The following ZNF441 variants were observed in gnomAD, a reference collection of about 807,000 sequenced individuals.
ZNF441 encodes zinc finger protein 441.
Under a neutral mutation model 64.5 loss-of-function variants are expected in ZNF441, and 25 were observed. The observed-to-expected ratio is 0.39, with a 90% CI of 0.28 to 0.54. The LOEUF (loss-of-function observed/expected upper bound fraction) is 0.54. ZNF441 is among the 20% of genes least tolerant of loss of function. The pLI is 0.70. For synonymous variants in ZNF441, 262 were observed against 268.0 expected, an observed-to-expected ratio of 0.98 and a Z score of 0.22; for missense variants, 715 against 843.3, an observed-to-expected ratio of 0.85 and a Z score of 1.88.
intron 1 of ZNF441, among the ~76,000 whole-genome samples, chr19:11,770,487 A>G (rs1779216887): frequency 6.6e-6 from 1 of 152,200 alleles, no homozygotes; most frequent in African/African-American, 2.4e-5. Flanking sequence ...AAGAGATTAT[A>G]GAGAATTGGT....
chr19:11,772,207 T>C (rs1975319867), intron 1 of ZNF441, among the ~76,000 whole-genome samples: 1 of 152,202 alleles, frequency 6.6e-6, no homozygotes, highest in African/African-American at 2.4e-5. Flanking sequence ...CTGCCCCTTT[T>C]GCTTTTGTAT....
chr19:11,779,742 G>A (rs772853500), intron 3 of ZNF441, among the ~76,000 whole-genome samples: 12 of 147,816 alleles, frequency 8.1e-5, no homozygotes, highest in Admixed American at 2.0e-4. Flanking sequence ...GCGAGACTCC[G>A]TCTCAAAAAA....
At chr19:11,774,085 T>G (rs1975336784) in intron 1 of ZNF441, among the ~76,000 whole-genome samples, 1 of 152,192 alleles carries the variant, frequency 6.6e-6, no homozygotes. Context: ...AATCTCTTTG[T>G]TTCTTAAATG....
At chr19:11,775,423 G>T (rs933411412) in intron 1 of ZNF441, among the ~76,000 whole-genome samples, 1 of 150,392 alleles carries the variant, frequency 6.6e-6, no homozygotes, top group African/African-American at 2.5e-5. Flanking sequence ...TCCGCCTCCT[G>T]AGTTAATGCC....
rs538513930 is a variant in ZNF441 at position 11,767,998 on chromosome 19, A to C, written c.3+802A>C. ...GCACGGTGATGACAGGTCACCAGGC[A>C]GACTCGTGTGTGGGGTTTGTGTGTG... On this transcript the variant is annotated intron_variant, in intron 1 of 3. Transcript: ENST00000357901. The surrounding 1 kb of genome is among the most constrained non-coding windows in gnomAD (Gnocchi z 5.1). Among the ~76,000 whole-genome samples, 24 of 152,276 alleles carry C rather than the reference A, an allele frequency of 1.6e-4. No individual in the cohort carries two copies. The highest frequency in any genetic ancestry group is 1.6e-3 in the Admixed American group (24 of 15,300).
rs753400364 is a variant in ZNF441 at position 11,781,380 on chromosome 19, G to A, written c.1556G>A (p.Arg519Gln). Reference sequence around the variant, plus strand: ...AGCTTTGATTCTCCCAGTTCATTTCGAAGACATGAAAGAATTCACACTGGG... The same window carrying A: ...AGCTTTGATTCTCCCAGTTCATTTCAAAGACATGAAAGAATTCACACTGGG... ...GKSFDSPSSF[R>Q]RHERIHTGER... Residue 519 changes from arginine (R) to glutamine (Q), a missense_variant, in exon 4 of 4, where the codon CGA becomes CAA. Arg to Gln is a conservative substitution (Grantham distance 43). Coordinates refer to ENST00000357901, the MANE Select transcript of ZNF441 (RefSeq NM_152355.3). 2.3e-5 allele frequency: 37 copies of A among 1,603,764 alleles called. No individual in the cohort carries two copies. Among genetic ancestry groups the A allele is most frequent in the Admixed American group, 5.1e-5 (3 of 58,966 alleles).
rs750439949 is a variant in ZNF441 at position 11,781,888 on chromosome 19, A to G, written c.2064A>G (p.Lys688=). The G allele has an allele frequency of 6.3e-7, 1 of 1,590,604 alleles. No individual in the cohort carries two copies. Among genetic ancestry groups the G allele is most frequent in the Admixed American group, 1.8e-5 (1 of 56,474 alleles). ...EAFHCISSFH[K]HEMTH ...TTCATTGTATCAGTTCCTTTCATAA[A>G]CATGAAATGACTCACTAGAGAAAAC... The change falls in exon 4 of 4, where the codon AAA becomes AAG. Residue 688 remains lysine, a synonymous_variant. Coordinates refer to ENST00000357901, the MANE Select transcript of ZNF441 (RefSeq NM_152355.3).
At chr19:11,776,503 A>C (rs1015199324) in intron 1 of ZNF441, among the ~76,000 whole-genome samples, 7 of 152,206 alleles carry the variant, frequency 4.6e-5, no homozygotes, top group Non-Finnish European at 1.0e-4. Context: ...GATGACAAAA[A>C]GGTCTGTTTA....
Position 11,781,074 on chromosome 19 carries a change from A to G in ZNF441, c.1250A>G (p.Lys417Arg). Reference sequence around the variant, plus strand: ...CATGAAACTACTCACACTGGAGAGAAGCCATATAAATGTAAACAATGTGGA... The same window carrying G: ...CATGAAACTACTCACACTGGAGAGAGGCCATATAAATGTAAACAATGTGGA... Reference protein sequence around the residue: ...RNHETTHTGEKPYKCKQCGKA... With the variant: ...RNHETTHTGERPYKCKQCGKA... Residue 417 changes from lysine (K) to arginine (R), a missense_variant, in exon 4 of 4, where the codon AAG becomes AGG. Lys to Arg is a conservative substitution (Grantham distance 26, BLOSUM62 2). Around this residue, in one of 2 missense-constraint regions of ZNF441, gnomAD observed 316 missense variants for 429.3 expected, o/e 0.74. Coordinates refer to ENST00000357901, the MANE Select transcript of ZNF441 (RefSeq NM_152355.3). 6.2e-7 allele frequency: 1 copy of G among 1,614,142 alleles called. No homozygotes were observed. The highest frequency in any genetic ancestry group is 1.7e-5 in the Admixed American group (1 of 60,014).
At chr19:11,777,804 T>C (rs549549754) in intron 2 of ZNF441, 67 bp downstream of exon 2, 2 of 1,554,598 alleles carry the variant, frequency 1.3e-6, no homozygotes, top group African/African-American at 1.4e-5. Context: ...TCAATGCTGT[T>C]CAATTATTTG....
chr19:11,768,859 G>T (rs1284878080), intron 1 of ZNF441, among the ~76,000 whole-genome samples: 1 of 152,212 alleles, frequency 6.6e-6, no homozygotes. Flanking sequence ...CTTCCCTTCT[G>T]ATGTTCTCAG....
At position 11,777,704 on chromosome 19, in the gene ZNF441, A is replaced by G. The variant is rs1216362324; in HGVS notation, c.97A>G (p.Met33Val). ...PSQKSLYRDVMQETIRNLDCI... is the reference protein window; with the variant it reads ...PSQKSLYRDVVQETIRNLDCI... ...ACAGAAGAGTCTCTACAGAGATGTG[A>G]TGCAGGAAACCATCAGAAACCTGGA... is the stretch of plus-strand genomic sequence containing the variant. The change falls in exon 2 of 4, where the codon ATG becomes GTG. Residue 33 changes from methionine (M) to valine (V), a missense_variant. Around this residue, in one of 2 missense-constraint regions of ZNF441, gnomAD observed 399 missense variants for 413.9 expected, o/e 0.96. Transcript: ENST00000357901. The G allele has an allele frequency of 6.2e-7, 1 of 1,613,158 alleles. No individual in the cohort carries two copies. The highest frequency in any genetic ancestry group is 1.1e-5 in the South Asian group (1 of 90,956).
In ZNF441 at chr19:11,780,391, A is replaced by C. The variant is rs754254787; in HGVS notation, c.567A>C (p.Ala189=). ...SLENLQRHMA[A]HHGDGPRICK... ...AAAACCTTCAAAGACACATGGCAGCACACCATGGAGATGGACCTCGTATAT... is the reference window on the plus strand; with the variant it reads ...AAAACCTTCAAAGACACATGGCAGCCCACCATGGAGATGGACCTCGTATAT... The change falls in exon 4 of 4, where the codon GCA becomes GCC. Residue 189 remains alanine, a synonymous_variant. Transcript: ENST00000357901. The C allele has an allele frequency of 3.3e-5, 53 of 1,614,226 alleles. No individual in the cohort carries two copies. The East Asian group carries it at 4.5e-4, about 14-fold the overall frequency.
rs1207317559 is a variant in ZNF441 at position 11,783,696 on chromosome 19, T to A, written c.*1790T>A. The A allele has an allele frequency of 6.6e-6, 1 of 152,144 alleles. No homozygotes were observed. Among genetic ancestry groups the A allele is most frequent in the Non-Finnish European group, 1.5e-5 (1 of 68,028 alleles). 9.4% of individuals were successfully genotyped at this position (152,144 alleles called of 1,614,324 possible). ...AAAGACAAATACCACATGTTCTCAC[T>A]TATATGTGGGAGGTGAAAAACTTCA... On this transcript the variant is annotated 3_prime_UTR_variant, in exon 4 of 4. Coordinates refer to ENST00000357901, the MANE Select transcript of ZNF441 (RefSeq NM_152355.3).
At position 11,769,057 on chromosome 19, in the gene ZNF441, T is replaced by C. The variant is rs148291101; in HGVS notation, c.3+1861T>C. On this transcript the variant is annotated intron_variant, in intron 1 of 3. Transcript: ENST00000357901. ...CCTGACTTGACACACTCTGCACCCA[T>C]AGGGAGGTGGTGAAAGGAGATGATG... 1.5e-3 allele frequency among the ~76,000 whole-genome samples: 231 copies of C among 152,140 alleles called. 2 individuals carry two copies. Among genetic ancestry groups the C allele is most frequent in the African/African-American group, 5.3e-3 (220 of 41,488 alleles).
rs1599270294 is a variant in ZNF441 at position 11,777,629 on chromosome 19, G to T, written c.22G>T (p.Asp8Tyr). 6.2e-7 allele frequency: 1 copy of T among 1,613,252 alleles called. No homozygotes were observed. Among genetic ancestry groups the T allele is most frequent in the Admixed American group, 1.7e-5 (1 of 59,918 alleles). MDSVAFE[D>Y]VAINFTCEEW... ...ATTTCAGGACTCAGTGGCATTTGAG[G>T]ATGTGGCTATAAACTTCACCTGTGA... The change falls in exon 2 of 4, where the codon GAT becomes TAT. Residue 8 changes from aspartate (D) to tyrosine (Y), a missense_variant. By Grantham distance (160) the Asp-to-Tyr change is radical. This residue lies in a region of ZNF441 where 399 missense variants were observed against 413.9 expected (regional missense o/e 0.96). Coordinates refer to ENST00000357901, the MANE Select transcript of ZNF441 (RefSeq NM_152355.3).
chr19:11,771,792 A>G (rs400020), intron 1 of ZNF441, among the ~76,000 whole-genome samples: 74,659 of 151,890 alleles, frequency 0.49, 19,887 homozygotes, highest in African/African-American at 0.72. Flanking sequence ...AAAAGTGTCA[A>G]GGAACACCCA....
chr19:11,773,000 C>T (rs1013324584), intron 1 of ZNF441, among the ~76,000 whole-genome samples: 3 of 152,174 alleles, frequency 2.0e-5, no homozygotes, highest in Admixed American at 6.5e-5. Flanking sequence ...ACCTTGTTAA[C>T]GAGGATAGTC....
intron 1 of ZNF441, among the ~76,000 whole-genome samples, chr19:11,773,052 A>G (rs914105679): frequency 2.1e-4 from 32 of 152,112 alleles, no homozygotes; most frequent in Non-Finnish European, 8.8e-5. Flanking sequence ...CGGCCTCCCA[A>G]AGTGCTGGGA....
Sources: allele counts gnomAD v4.1 joint callset (sites outside exome capture counted in the v4.1 genomes callset), GRCh38; gene constraint gnomAD v4.1.1; regional missense constraint gnomAD v4.1.1; non-coding constraint Gnocchi (gnomAD v3.1); transcripts MANE v1.5; gene names NCBI Gene and HGNC (gene_info 2026-07-23, HGNC 2026-07-21).